The following ADGRL3 variants were observed in gnomAD, a reference collection of about 807,000 sequenced individuals.
The protein encoded by ADGRL3 is adhesion G protein-coupled receptor L3.
A neutral mutation model predicts 153.5 loss-of-function variants in ADGRL3; 62 were observed. The observed-to-expected ratio is 0.40, with a 90% CI of 0.33 to 0.50. The LOEUF (loss-of-function observed/expected upper bound fraction) is 0.50, where lower values mean the gene tolerates loss of function less well. Among genes scored for constraint, ADGRL3 ranks in the 20% least tolerant of loss-of-function variants. The probability of loss-of-function intolerance (pLI) is 0.47; values close to 1 mark genes in which losing one functional copy is unlikely to be tolerated. For synonymous variants in ADGRL3, 710 were observed against 672.5 expected (o/e 1.06, Z -0.86); for missense variants, 1,641 against 1,859.4 (o/e 0.88, Z 2.16).
At chr4:61,927,995 T>C (rs1282259295) in intron 13 of ADGRL3, among the ~76,000 whole-genome samples, 1 of 151,362 alleles carries the variant, frequency 6.6e-6, no homozygotes, top group Admixed American at 6.6e-5. Flanking sequence ...TATCCTGATA[T>C]TTAGATGTGA....
chr4:61,793,637 A>G (rs2097371416), intron 8 of ADGRL3, among the ~76,000 whole-genome samples: 2 of 151,818 alleles, frequency 1.3e-5, no homozygotes, highest in African/African-American at 4.8e-5. Context: ...TGCAACAACT[A>G]ATTTTACCCC....
intron 6 of ADGRL3, among the ~76,000 whole-genome samples, chr4:61,695,469 T>G (rs565495939): frequency 3.3e-5 from 5 of 152,308 alleles, no homozygotes; most frequent in Admixed American, 1.3e-4. Context: ...ATTAACATTT[T>G]CAGTAGATCA....
intron 2 of ADGRL3, among the ~76,000 whole-genome samples, chr4:61,426,430 C>T (rs1211731225): frequency 7.5e-6 from 1 of 132,722 alleles, no homozygotes; most frequent in Non-Finnish European, 1.6e-5. Context: ...ATCCATATGC[C>T]ATGCCCCATC....
At chr4:61,977,232 A>C (rs1048578484) in intron 17 of ADGRL3, among the ~76,000 whole-genome samples, 1 of 143,146 alleles carries the variant, frequency 7.0e-6, no homozygotes, top group African/African-American at 2.6e-5. Context: ...TTTTTTTTTT[A>C]AAGGTGTTTC....
intron 1 of ADGRL3, among the ~76,000 whole-genome samples, chr4:61,243,107 A>G (rs1350564262): frequency 6.6e-6 from 1 of 152,092 alleles, no homozygotes; most frequent in Non-Finnish European, 1.5e-5. Flanking sequence ...ATGAACATTT[A>G]AAGATGAGTA....
intron 17 of ADGRL3, among the ~76,000 whole-genome samples, chr4:61,954,292 A>G (rs1161333932): frequency 6.6e-6 from 1 of 152,054 alleles, no homozygotes; most frequent in Non-Finnish European, 1.5e-5. Context: ...TGCCAGATCC[A>G]GAATTTGATC....
rs557075335 is a variant in ADGRL3, at chr4:61,735,355, T to C, written c.1399+1801T>C. On this transcript the variant is annotated intron_variant, in intron 8 of 26. Coordinates refer to ENST00000683033, the MANE Select transcript of ADGRL3 (RefSeq NM_001387552.1). ...GCTGATATTACGTTGAATTGGCTTT[T>C]ACGGAAAGAAAAGACTAAATATGCA... is the stretch of plus-strand genomic sequence containing the variant. 2.0e-5 allele frequency among the ~76,000 whole-genome samples: 3 copies of C among 152,354 alleles called. No homozygotes were observed. In the South Asian group the frequency reaches 6.2e-4, roughly 32 times the overall value.
At chr4:61,358,200 T>C (rs35872772) in intron 1 of ADGRL3, among the ~76,000 whole-genome samples, 30,255 of 152,154 alleles carry the variant, frequency 0.2, 3,304 homozygotes, top group South Asian at 0.34. Flanking sequence ...ACTGGCCACC[T>C]ATAATCTGTT....
rs564518800 is a variant in ADGRL3, at chr4:61,743,175, C to A, written c.1399+9621C>A. Among the ~76,000 whole-genome samples the A allele has an allele frequency of 5.6e-4, 85 of 151,460 alleles. 1 individual carries two copies. Among genetic ancestry groups the A allele is most frequent in the Non-Finnish European group, 1.0e-3 (71 of 67,872 alleles). On this transcript the variant is annotated intron_variant, in intron 8 of 26. Coordinates refer to ENST00000683033, the MANE Select transcript of ADGRL3 (RefSeq NM_001387552.1). The stretch of plus-strand genomic sequence containing the variant: ...CTCTATTAAAAATACGAAAAATTAG[C>A]TGGGAGTGGTGGTGGGTGCCTGTAG...
At chr4:61,635,839 G>C (rs897882266) in intron 5 of ADGRL3, among the ~76,000 whole-genome samples, 1 of 151,946 alleles carries the variant, frequency 6.6e-6, no homozygotes, top group Admixed American at 6.6e-5. Flanking sequence ...TCTTCACATT[G>C]TCTTTCCCTC....
chr4:62,038,411 T>C (rs187674539), intron 24 of ADGRL3, among the ~76,000 whole-genome samples: 270 of 152,020 alleles, frequency 1.8e-3, no homozygotes, highest in African/African-American at 6.3e-3. Context: ...GACGTAGCAG[T>C]ATAGTACCTT....
chr4:61,744,816 C>T lies in ADGRL3; in HGVS notation c.1399+11262C>T, dbSNP rs542764063. 4.6e-5 allele frequency among the ~76,000 whole-genome samples: 7 copies of T among 152,296 alleles called. No homozygotes were observed. The South Asian group carries it at 1.2e-3, about 27-fold the overall frequency. ...TCTAAAAAGCAGAGCACCTCTCCCC[C>T]TCCAAAGGAATGCAGCTCCTCACCA... On this transcript the variant is annotated intron_variant, in intron 8 of 26. Transcript: ENST00000683033.
chr4:62,049,027 A>G (rs1732698548), intron 25 of ADGRL3, among the ~76,000 whole-genome samples: 1 of 152,146 alleles, frequency 6.6e-6, no homozygotes, highest in East Asian at 1.9e-4. Flanking sequence ...TATTGTAAAT[A>G]TTATATTTGT....
At chr4:61,908,043 A>G (rs966144571) in intron 11 of ADGRL3, among the ~76,000 whole-genome samples, 1 of 152,176 alleles carries the variant, frequency 6.6e-6, no homozygotes, top group African/African-American at 2.4e-5. Context: ...GTGGCTAACA[A>G]CTATACTCTC....
intron 9 of ADGRL3, among the ~76,000 whole-genome samples, chr4:61,852,882 A>G (rs2149177171): frequency 6.6e-6 from 1 of 152,094 alleles, no homozygotes; most frequent in East Asian, 1.9e-4. Flanking sequence ...AGAGCATGTT[A>G]CTTTTAAAAA....
At chr4:61,912,629 G>A (rs1581429548) in intron 12 of ADGRL3, 90 bp from the exon 13 acceptor site, 4 of 1,139,346 alleles carry the variant, frequency 3.5e-6, no homozygotes, top group Non-Finnish European at 5.2e-6. Context: ...GGTGTTTTGT[G>A]TAGATGTGTT....
chr4:61,285,525 TG>T (rs1204450206), intron 1 of ADGRL3, among the ~76,000 whole-genome samples: 2 of 151,710 alleles, frequency 1.3e-5, no homozygotes, highest in African/African-American at 4.8e-5. Context: ...CCCACAGAAA[TG>T]GGTTAGTATC....
At chr4:61,490,060 C>A (rs2098241218) in intron 2 of ADGRL3, among the ~76,000 whole-genome samples, 1 of 152,060 alleles carries the variant, frequency 6.6e-6, no homozygotes, top group African/African-American at 2.4e-5. Flanking sequence ...CCTGAGAAAC[C>A]AGATGACTTG....
chr4:61,399,820 T>C (rs1252501817), intron 2 of ADGRL3, among the ~76,000 whole-genome samples: 5 of 151,712 alleles, frequency 3.3e-5, no homozygotes. Flanking sequence ...ATTTTAGGAA[T>C]GAGAAGGAAT....
Sources: gnomAD v4.1 joint callset for allele counts (sites outside exome capture counted in the v4.1 genomes callset) on GRCh38, gnomAD v4.1.1 for gene constraint, MANE v1.5 for transcripts, NCBI Gene and HGNC (gene_info 2026-07-23, HGNC 2026-07-21) for gene names.